DIAPH2: variants seen among roughly 807,000 people sequenced by gnomAD.
DIAPH2 encodes the protein diaphanous related formin 2, also known as protein diaphanous homolog 2.
In DIAPH2, 35 loss-of-function variants were observed where a neutral mutation model predicts 92.7. That is an observed-to-expected ratio of 0.38 (90% CI 0.29 to 0.50). The LOEUF (loss-of-function observed/expected upper bound fraction) is 0.50. Among genes scored for constraint, DIAPH2 ranks in the 20% least tolerant of loss-of-function variants. DIAPH2 has a pLI of 0.94. For synonymous variants in DIAPH2, 301 were observed against 280.4 expected, an observed-to-expected ratio of 1.07 and a Z score of -0.73; for missense variants, 701 against 819.5, an observed-to-expected ratio of 0.86 and a Z score of 1.77.
intron 23 of DIAPH2, among the ~76,000 whole-genome samples, chrX:97,311,681 T>G (rs1383882151): frequency 9.0e-6 from 1 of 111,574 alleles, no homozygotes; most frequent in Non-Finnish European, 1.9e-5. Flanking sequence ...GCACTGATCT[T>G]AGGAGCAGTT....
chrX:97,255,104 C>A (rs899112995), intron 23 of DIAPH2, among the ~76,000 whole-genome samples: 2 of 111,543 alleles, frequency 1.8e-5, no homozygotes, highest in Admixed American at 1.9e-4. Context: ...GTCAGAATTC[C>A]AATTTTGGTC....
intron 18 of DIAPH2, among the ~76,000 whole-genome samples, chrX:97,074,262 C>T (rs1157918735): frequency 1.8e-5 from 2 of 110,835 alleles, no homozygotes; most frequent in African/African-American, 3.3e-5. Context: ...CAAAATTAGC[C>T]GGGCGTGATG....
chrX:96,863,985 C>T (rs776032836), intron 4 of DIAPH2, among the ~76,000 whole-genome samples: 47 of 111,132 alleles, frequency 4.2e-4, no homozygotes, highest in Non-Finnish European at 4.1e-4. Context: ...ATCGCTTGAG[C>T]CCAGGAGGTC....
rs61214337 is a variant in DIAPH2 at position 97,397,360 on chromosome X, TAAA to T, written c.3145+13325_3145+13327del. Among the ~76,000 whole-genome samples the T allele has an allele frequency of 1.5e-4, 17 of 109,681 alleles. No homozygotes were observed. The South Asian group carries it at 3.2e-3, about 21-fold the overall frequency. ...ACTGGAATCTACTTTAAATGTACTTTAAAAAAAAAAATTCTTTTTGTCAGACTA... is the reference window on the plus strand; with the variant it reads ...ACTGGAATCTACTTTAAATGTACTTTAAAAAAAATTCTTTTTGTCAGACTA... On this transcript the variant is annotated intron_variant, in intron 25 of 26. Transcript: ENST00000324765.
intron 23 of DIAPH2, among the ~76,000 whole-genome samples, chrX:97,321,711 G>C (rs1420507392): frequency 9.2e-6 from 1 of 109,139 alleles, no homozygotes; most frequent in Non-Finnish European, 1.9e-5. Context: ...CACCAAGCCC[G>C]GCTAATTTTT....
intron 15 of DIAPH2, among the ~76,000 whole-genome samples, chrX:96,956,884 A>AGTTGCTTCCACATTTTTGG (rs2065814037): frequency 8.9e-6 from 1 of 112,567 alleles, no homozygotes; most frequent in Non-Finnish European, 1.9e-5. Context: ...CCAGTTCTAA[A>AGTTGCTTCCACATTTTTGG]GTTGCTTCCA....
rs397896097 is a variant in DIAPH2, at chrX:97,507,141, C to CAAAAAAAA, written c.3241+77414_3241+77421dup. On this transcript the variant is annotated intron_variant, in intron 26 of 26. Coordinates refer to ENST00000324765, the MANE Select transcript of DIAPH2 (RefSeq NM_006729.5). ...AGGATACACCAGTGAACAAAACCGA[C>CAAAAAAAA]AAAAAAAAAAAAAAAAAAAAAAAAA... is the stretch of plus-strand genomic sequence containing the variant. 4.9e-3 allele frequency among the ~76,000 whole-genome samples: 152 copies of CAAAAAAAA among 31,116 alleles called. 4 individuals carry two copies. The highest frequency in any genetic ancestry group is 0.019 in the African/African-American group (138 of 7,290). The allele number at this position is 31,116 out of a possible 115,157, so 27.0% of individuals were successfully genotyped here.
At chrX:97,417,452 T>C (rs182334264) in intron 25 of DIAPH2, among the ~76,000 whole-genome samples, 1 of 109,546 alleles carries the variant, frequency 9.1e-6, no homozygotes, top group East Asian at 2.9e-4. Context: ...GAACACCGGA[T>C]CACCTGAGGT....
chrX:97,023,639 G>A (rs939706467), intron 17 of DIAPH2, among the ~76,000 whole-genome samples: 5 of 111,608 alleles, frequency 4.5e-5, no homozygotes, highest in Admixed American at 9.5e-5. Flanking sequence ...AGGACATTTC[G>A]TTAGTGACAA....
At chrX:97,352,827 G>T (rs1335186267) in intron 24 of DIAPH2, among the ~76,000 whole-genome samples, 4 of 91,756 alleles carry the variant, frequency 4.4e-5, no homozygotes, top group Non-Finnish European at 6.2e-5. Flanking sequence ...CCAAGATCAC[G>T]CCACTGTACT....
In DIAPH2 at chrX:97,321,943, T is replaced by C. The variant is rs189863535; in HGVS notation, c.2845-26173T>C. Among the ~76,000 whole-genome samples the C allele has an allele frequency of 2.8e-4, 32 of 112,487 alleles. No homozygotes were observed. The East Asian group carries it at 8.4e-3, about 29-fold the overall frequency. The stretch of plus-strand genomic sequence containing the variant: ...TTAGAAACTGTTTTGATTTCAGGCA[T>C]ATATATACAAATGACATGCTAGTTT... On this transcript the variant is annotated intron_variant, in intron 23 of 26. Transcript: ENST00000324765.
intron 20 of DIAPH2, among the ~76,000 whole-genome samples, chrX:97,111,333 T>C (rs181803154): frequency 3.6e-5 from 4 of 112,030 alleles, no homozygotes; most frequent in Middle Eastern, 4.6e-3. Flanking sequence ...TCATTTGACT[T>C]AGTTGCTGCT....
intron 26 of DIAPH2, among the ~76,000 whole-genome samples, chrX:97,541,691 T>C (rs1660374978): frequency 1.8e-5 from 2 of 112,131 alleles, no homozygotes; most frequent in South Asian, 7.4e-4. Flanking sequence ...TCTTTTCCTG[T>C]GTTCATAGTG....
intron 4 of DIAPH2, among the ~76,000 whole-genome samples, chrX:96,857,335 A>G (rs1287418631): frequency 2.7e-5 from 3 of 112,041 alleles, no homozygotes; most frequent in Non-Finnish European, 5.6e-5. Flanking sequence ...CCATTTTTAC[A>G]GGAAAGAGGG....
At chrX:97,313,435 A>C (rs1308544332) in intron 23 of DIAPH2, among the ~76,000 whole-genome samples, 1 of 111,548 alleles carries the variant, frequency 9.0e-6, no homozygotes, top group African/African-American at 3.3e-5. Flanking sequence ...TGTGATTTCA[A>C]CTTTGTCATC....
At chrX:97,500,763 GATATATATATAT>G (rs56041649) in intron 26 of DIAPH2, among the ~76,000 whole-genome samples, 2,266 of 60,096 alleles carry the variant, frequency 0.038, 116 homozygotes, top group African/African-American at 0.12. Flanking sequence ...CATTCAAGGA[GATATATATATAT>G]ATATATATAT....
At chrX:97,549,074 A>G (rs986547500) in intron 26 of DIAPH2, among the ~76,000 whole-genome samples, 3 of 112,405 alleles carry the variant, frequency 2.7e-5, no homozygotes, top group African/African-American at 9.7e-5. Flanking sequence ...ATTTTAAAAC[A>G]TTTCTAATTT....
chrX:97,434,262 AT>A (rs2070157345), intron 26 of DIAPH2, among the ~76,000 whole-genome samples: 1 of 111,376 alleles, frequency 9.0e-6, no homozygotes, highest in African/African-American at 3.3e-5. Flanking sequence ...ACGCATTAGA[AT>A]ATTTAAAGGA....
intron 26 of DIAPH2, among the ~76,000 whole-genome samples, chrX:97,444,394 G>A (rs912908332): frequency 1.4e-4 from 16 of 111,040 alleles, no homozygotes; most frequent in African/African-American, 5.2e-4. Flanking sequence ...CAAAAACAAG[G>A]GTATGATTTT....
Sources: gnomAD v4.1 joint callset for allele counts (sites outside exome capture counted in the v4.1 genomes callset) on GRCh38, gnomAD v4.1.1 for gene constraint, MANE v1.5 for transcripts, NCBI Gene and HGNC (gene_info 2026-07-23, HGNC 2026-07-21) for gene names.